Variants in ASTN2 observed in about 807,000 individuals in gnomAD.
ASTN2 encodes the protein astrotactin 2.
ASTN2 carries 54 observed loss-of-function variants against 139.8 expected under a neutral mutation model. The ratio of observed to expected loss-of-function variants is 0.39; its 90% CI spans 0.31 to 0.48. The LOEUF (loss-of-function observed/expected upper bound fraction) is 0.48. ASTN2 is among the 20% of genes least tolerant of loss of function. The pLI, the probability that ASTN2 is intolerant of heterozygous loss-of-function variation, is 0.95. For synonymous variants in ASTN2, 756 were observed against 719.5 expected (o/e 1.05, Z -0.81); for missense variants, 1,565 against 1,725.1 (o/e 0.91, Z 1.64).
intron 1 of ASTN2, among the ~76,000 whole-genome samples, chr9:117,303,607 C>T (rs1334498807): frequency 6.6e-6 from 1 of 152,188 alleles, no homozygotes; most frequent in East Asian, 1.9e-4. Flanking sequence ...CCTCCATGTG[C>T]CCCTGCCTTT....
chr9:117,026,301 C>T (rs962905783), intron 6 of ASTN2, among the ~76,000 whole-genome samples: 2 of 152,062 alleles, frequency 1.3e-5, no homozygotes, highest in African/African-American at 4.8e-5. Context: ...TTTTAGCATC[C>T]CCATTTTTCA....
chr9:117,049,397 G>A (rs73657629), intron 5 of ASTN2, among the ~76,000 whole-genome samples: 327 of 152,204 alleles, frequency 2.1e-3, no homozygotes, highest in African/African-American at 7.3e-3. Context: ...GGATTCAGCC[G>A]AATGTTTCCC....
intron 10 of ASTN2, among the ~76,000 whole-genome samples, chr9:116,940,914 G>A (rs1835208242): frequency 2.6e-5 from 4 of 152,114 alleles, no homozygotes; most frequent in Admixed American, 2.6e-4. Flanking sequence ...CCTGTTCTAT[G>A]TTTAGATATG....
At chr9:116,964,557 T>C (rs533698637) in intron 10 of ASTN2, among the ~76,000 whole-genome samples, 7 of 152,228 alleles carry the variant, frequency 4.6e-5, no homozygotes, top group Admixed American at 1.3e-4. Flanking sequence ...ATTCCATCAC[T>C]CAGGACTGTC....
At chr9:116,594,090 T>C (rs1373254737) in intron 19 of ASTN2, among the ~76,000 whole-genome samples, 1 of 152,210 alleles carries the variant, frequency 6.6e-6, no homozygotes. Flanking sequence ...AAGTATAGCC[T>C]AGAAGTTTAA....
At chr9:117,390,571 T>A (rs573565247) in intron 1 of ASTN2, among the ~76,000 whole-genome samples, 1 of 152,352 alleles carries the variant, frequency 6.6e-6, no homozygotes, top group Non-Finnish European at 1.5e-5. Flanking sequence ...TTTTCCAGAA[T>A]GTCATATAGT....
chr9:117,295,945 C>T (rs536022401), intron 1 of ASTN2, among the ~76,000 whole-genome samples: 37 of 152,034 alleles, frequency 2.4e-4, no homozygotes, highest in African/African-American at 8.7e-4. Context: ...GGGCATGAAG[C>T]TGCGTGTGTA....
chr9:116,787,724 T>C (rs1164087420), intron 13 of ASTN2, among the ~76,000 whole-genome samples: 2 of 152,206 alleles, frequency 1.3e-5, no homozygotes, highest in Non-Finnish European at 2.9e-5. Context: ...AAAGTCTTTC[T>C]TGCCTGTTTA....
intron 6 of ASTN2, among the ~76,000 whole-genome samples, chr9:117,018,070 C>T (rs573112085): frequency 4.0e-5 from 6 of 151,840 alleles, no homozygotes; most frequent in South Asian, 4.2e-4. Context: ...CTGGGATGAT[C>T]GGCGTAGGGT....
chr9:116,502,682 A>AGAAGGAAGGAAGGAAG (rs60618068), intron 19 of ASTN2, among the ~76,000 whole-genome samples: 1 of 96,452 alleles, frequency 1.0e-5, no homozygotes, highest in African/African-American at 3.9e-5. Flanking sequence ...AAGAAAGGAA[A>AGAAGGAAGGAAGGAAG]GAAGGAAGGA....
intron 19 of ASTN2, chr9:116,540,724 A>G (rs1290830922): frequency 6.6e-6 from 1 of 152,214 alleles, no homozygotes; most frequent in Non-Finnish European, 1.5e-5. Flanking sequence ...GGCTGCTGCT[A>G]AGTTCCATCC....
intron 13 of ASTN2, among the ~76,000 whole-genome samples, chr9:116,734,700 A>G (rs1387045405): frequency 6.6e-6 from 1 of 152,202 alleles, no homozygotes; most frequent in African/African-American, 2.4e-5. Flanking sequence ...TGTGATGCCA[A>G]AGCAATGCCT....
intron 16 of ASTN2, among the ~76,000 whole-genome samples, chr9:116,690,147 C>G (rs969362311): frequency 3.9e-5 from 6 of 152,222 alleles, no homozygotes; most frequent in African/African-American, 1.2e-4. Context: ...ACTCCTTACT[C>G]TAATTTCCTA....
chr9:117,031,499 G>C (rs546485125), intron 6 of ASTN2, among the ~76,000 whole-genome samples: 48 of 152,108 alleles, frequency 3.2e-4, no homozygotes, highest in Non-Finnish European at 6.2e-4. Flanking sequence ...CCAAGGTTCT[G>C]AACATAATGT....
At chr9:116,827,298 A>AAAC (rs1263051614) in intron 11 of ASTN2, among the ~76,000 whole-genome samples, 2 of 132,850 alleles carry the variant, frequency 1.5e-5, no homozygotes, top group Non-Finnish European at 3.2e-5. Context: ...AACAAGAGCA[A>AAAC]AACTCCATCC....
intron 22 of ASTN2, among the ~76,000 whole-genome samples, chr9:116,438,985 G>A (rs114039768): frequency 6.6e-6 from 1 of 152,192 alleles, no homozygotes; most frequent in African/African-American, 2.4e-5. Context: ...TTGGGGCTGT[G>A]TCTTTAACAT....
At chr9:116,745,584 G>A (rs1012659994) in intron 13 of ASTN2, among the ~76,000 whole-genome samples, 14 of 152,244 alleles carry the variant, frequency 9.2e-5, no homozygotes, top group South Asian at 4.1e-4. Flanking sequence ...AATGCTGCAA[G>A]GATCTATATA....
Position 117,135,475 on chromosome 9 carries a change from C to A in ASTN2, c.1168+5851G>T, listed in dbSNP as rs529608989. Among the ~76,000 whole-genome samples the A allele has an allele frequency of 9.2e-5, 14 of 152,190 alleles. 1 individual carries two copies. Among genetic ancestry groups the A allele is most frequent in the Non-Finnish European group, 1.8e-4 (12 of 68,040 alleles). ...AGCTACCTCCCTTTATCTATTTACC[C>A]GTCTCCATCCATTCATTAATTTATT... On this transcript the variant is annotated intron_variant, in intron 4 of 22. Coordinates refer to ENST00000313400, the MANE Select transcript of ASTN2 (RefSeq NM_001365068.1).
intron 3 of ASTN2, among the ~76,000 whole-genome samples, chr9:117,207,292 C>T (rs1030638037): frequency 6.6e-6 from 1 of 152,160 alleles, no homozygotes; most frequent in Non-Finnish European, 1.5e-5. Context: ...CACAGAAACG[C>T]CCCAAACCAG....
Sources: allele counts gnomAD v4.1 joint callset (sites outside exome capture counted in the v4.1 genomes callset), GRCh38; gene constraint gnomAD v4.1.1; transcripts MANE v1.5; gene names NCBI Gene and HGNC (gene_info 2026-07-23, HGNC 2026-07-21).